Variants in SPP2 observed in about 807,000 individuals in gnomAD.
SPP2 encodes secreted phosphoprotein 24.
SPP2 carries 34 observed loss-of-function variants against 28.8 expected under a neutral mutation model. The ratio of observed to expected loss-of-function variants is 1.18; its 90% confidence interval spans 0.90 to 1.57. The LOEUF is 1.57. Among genes scored for constraint, SPP2 ranks in the 40% most tolerant of loss-of-function variants. The pLI, the probability that SPP2 is intolerant of heterozygous loss-of-function variation, is 0.00. For missense variants in SPP2, 269 were observed against 263.9 expected (o/e 1.02, Z -0.13); for synonymous variants, 96 against 89.4 (o/e 1.07, Z -0.42).
chr2:234,062,879 C>A (rs1035405368), intron 4 of SPP2, among the ~76,000 whole-genome samples: 2 of 152,172 alleles, frequency 1.3e-5, no homozygotes, highest in African/African-American at 4.8e-5. Flanking sequence ...ACTCTCTTTT[C>A]TTCCAATTCC....
chr2:234,061,184 A>G (rs543672980), intron 4 of SPP2, among the ~76,000 whole-genome samples: 10 of 152,302 alleles, frequency 6.6e-5, no homozygotes, highest in Non-Finnish European at 8.8e-5. Context: ...TTAATAATAT[A>G]TACATTTTTT....
At chr2:234,057,053 T>C (rs1160516649) in intron 2 of SPP2, among the ~76,000 whole-genome samples, 1 of 152,026 alleles carries the variant, frequency 6.6e-6, no homozygotes, top group Non-Finnish European at 1.5e-5. Context: ...GCAAGGTGGG[T>C]TCAGAAACTA....
chr2:234,063,250 A>G (rs1329587639), intron 4 of SPP2, among the ~76,000 whole-genome samples: 2 of 152,162 alleles, frequency 1.3e-5, no homozygotes, highest in African/African-American at 4.8e-5. Context: ...GAAGGAAGAA[A>G]TAGAAGAAAT....
chr2:234,076,337 C>T (rs757323434), intron 7 of SPP2, among the ~76,000 whole-genome samples: 4 of 152,236 alleles, frequency 2.6e-5, no homozygotes, highest in South Asian at 2.1e-4. Context: ...ACAGTATCCC[C>T]GCCCCATCTT....
At chr2:234,073,493 G>T (rs1225399251) in intron 7 of SPP2, among the ~76,000 whole-genome samples, 1 of 152,140 alleles carries the variant, frequency 6.6e-6, no homozygotes. Flanking sequence ...ACTGTTCTAG[G>T]ACTCTTTCAT....
intron 4 of SPP2, among the ~76,000 whole-genome samples, chr2:234,065,028 T>C (rs1206465327): frequency 6.6e-6 from 1 of 152,224 alleles, no homozygotes; most frequent in Admixed American, 6.5e-5. Context: ...AGTTTTTGTG[T>C]ACACATGTAT....
chr2:234,072,752 G>A (rs1389840120), intron 7 of SPP2, among the ~76,000 whole-genome samples: 2 of 152,164 alleles, frequency 1.3e-5, no homozygotes, highest in African/African-American at 4.8e-5. Context: ...AATCCGATGG[G>A]ATCTGGAATC....
chr2:234,055,001 C>T (rs1364141532), intron 2 of SPP2, among the ~76,000 whole-genome samples: 1 of 152,180 alleles, frequency 6.6e-6, no homozygotes, highest in Non-Finnish European at 1.5e-5. Context: ...CTAGCCATTT[C>T]TGATCTTTAC....
intron 4 of SPP2, among the ~76,000 whole-genome samples, chr2:234,062,486 A>G (rs1693740151): frequency 6.6e-6 from 1 of 152,178 alleles, no homozygotes; most frequent in Non-Finnish European, 1.5e-5. Context: ...TTAGCAGTCA[A>G]GATGGACTTT....
At chr2:234,061,362 CTG>C (rs1470930930) in intron 4 of SPP2, among the ~76,000 whole-genome samples, 1 of 152,042 alleles carries the variant, frequency 6.6e-6, no homozygotes, top group African/African-American at 2.4e-5. Context: ...TGCAAGAAAA[CTG>C]GGGAAGAAAT....
intron 2 of SPP2, among the ~76,000 whole-genome samples, chr2:234,055,873 T>C (rs1163882790): frequency 6.6e-6 from 1 of 151,690 alleles, no homozygotes; most frequent in Non-Finnish European, 1.5e-5. Flanking sequence ...TTTTTGGAAA[T>C]GAATTATTTT....
At chr2:234,053,162 G>T (rs141993740) in intron 2 of SPP2, among the ~76,000 whole-genome samples, 5 of 135,646 alleles carry the variant, frequency 3.7e-5, no homozygotes, top group African/African-American at 1.1e-4. Flanking sequence ...CAAGGTAAAA[G>T]AATAACGGTG....
At chr2:234,059,663 C>A (rs1057145311) in intron 3 of SPP2, among the ~76,000 whole-genome samples, 1 of 152,190 alleles carries the variant, frequency 6.6e-6, no homozygotes, top group African/African-American at 2.4e-5. Flanking sequence ...GGCTTACATA[C>A]TGTAGGGAAT....
intron 2 of SPP2, 21 bp from the exon 3 acceptor site, chr2:234,058,815 T>A (rs1693659352): frequency 6.2e-7 from 1 of 1,610,032 alleles, no homozygotes; most frequent in South Asian, 1.1e-5. Flanking sequence ...GATCACACTC[T>A]GAAACTTTAT....
At chr2:234,059,720 T>C (rs888677201) in intron 3 of SPP2, among the ~76,000 whole-genome samples, 5 of 152,092 alleles carry the variant, frequency 3.3e-5, no homozygotes, top group Admixed American at 2.6e-4. Context: ...AGTGGAAATC[T>C]TAGAGGGATT....
At chr2:234,064,365 T>G (rs1243799909) in intron 4 of SPP2, among the ~76,000 whole-genome samples, 1 of 152,192 alleles carries the variant, frequency 6.6e-6, no homozygotes, top group Non-Finnish European at 1.5e-5. Context: ...TTATGTCCTC[T>G]GTACTTAGGA....
chr2:234,062,853 T>C (rs1693747617), intron 4 of SPP2, among the ~76,000 whole-genome samples: 1 of 152,224 alleles, frequency 6.6e-6, no homozygotes, highest in Admixed American at 6.5e-5. Context: ...AGCTTTCTAA[T>C]TGCATAGTGA....
chr2:234,073,010 C>T (rs1356857329), intron 7 of SPP2, among the ~76,000 whole-genome samples: 4 of 152,272 alleles, frequency 2.6e-5, no homozygotes, highest in Admixed American at 6.5e-5. Flanking sequence ...GCCTCAGCCT[C>T]GTGAGTAGCT....
At position 234,072,975 on chromosome 2, in the gene SPP2, C is replaced by T. The variant is rs935856738; in HGVS notation, c.*10+2952C>T. ...CAATCTCTGCTCACTGAAAACTCCGCCTCCCAGGTTCAAGCGATTCTCCTG... is the reference window on the plus strand; with the variant it reads ...CAATCTCTGCTCACTGAAAACTCCGTCTCCCAGGTTCAAGCGATTCTCCTG... On this transcript the variant is annotated intron_variant, in intron 7 of 7. Transcript: ENST00000168148. 1.4e-4 allele frequency among the ~76,000 whole-genome samples: 21 copies of T among 152,316 alleles called. No individual in the cohort carries two copies. In the East Asian group the frequency reaches 3.9e-3, roughly 28 times the overall value.
Sources: gnomAD v4.1 joint callset for allele counts (sites outside exome capture counted in the v4.1 genomes callset) on GRCh38, gnomAD v4.1.1 for gene constraint, MANE v1.5 for transcripts, NCBI Gene and HGNC (gene_info 2026-07-23, HGNC 2026-07-21) for gene names.